Variants in GFPT2 observed in about 807,000 individuals in gnomAD.
GFPT2 encodes glutamine--fructose-6-phosphate transaminase 2, also known as glutamine--fructose-6-phosphate aminotransferase [isomerizing] 2.
Under a neutral mutation model 85.6 loss-of-function variants are expected in GFPT2, and 62 were observed. That is an observed-to-expected ratio of 0.72 (90% CI 0.59 to 0.90). The LOEUF is 0.90. Among genes scored for constraint, GFPT2 ranks in the 40% least tolerant of loss-of-function variants. The pLI is 0.00. For missense variants in GFPT2, 788 were observed against 893.4 expected (o/e 0.88, Z 1.50); for synonymous variants, 368 against 344.5 (o/e 1.07, Z -0.75).
chr5:180,343,116 GCAGA>G (rs1189870060), intron 1 of GFPT2, among the ~76,000 whole-genome samples: 2 of 152,176 alleles, frequency 1.3e-5, no homozygotes, highest in African/African-American at 2.4e-5. Context: ...CCTAAGGGAA[GCAGA>G]CAGACATCAC....
rs375295926 is a variant in GFPT2 at position 180,316,319 on chromosome 5, C to T, written c.1273+22G>A. 4 of 1,613,134 alleles carry T rather than the reference C, an allele frequency of 2.5e-6. No individual in the cohort carries two copies. In the African/African-American group the frequency reaches 4.0e-5, roughly 16 times the overall value. On this transcript the variant is annotated intron_variant, in intron 13 of 18. Coordinates refer to ENST00000253778, the MANE Select transcript of GFPT2 (RefSeq NM_005110.4). ...CAGAGCTGACCTGATGCAAGGCTGGCCACAATGCCTGTGTCCCTTACCTGA... is the reference window on the plus strand; with the variant it reads ...CAGAGCTGACCTGATGCAAGGCTGGTCACAATGCCTGTGTCCCTTACCTGA...
chr5:180,308,516 G>T (rs1309690994), intron 15 of GFPT2, among the ~76,000 whole-genome samples: 1 of 152,038 alleles, frequency 6.6e-6, no homozygotes, highest in Non-Finnish European at 1.5e-5. Context: ...ATAAAATTCA[G>T]CCTACAAATA....
intron 4 of GFPT2, among the ~76,000 whole-genome samples, chr5:180,332,946 T>C (rs1190073086): frequency 6.6e-6 from 1 of 152,206 alleles, no homozygotes; most frequent in Admixed American, 6.5e-5. Flanking sequence ...ATTATTCTTT[T>C]TCTTTATTCT....
intron 15 of GFPT2, 69 bp downstream of exon 15, chr5:180,312,361 G>T (rs908371624): frequency 3.6e-6 from 3 of 842,118 alleles, no homozygotes; most frequent in Non-Finnish European, 6.3e-6. Context: ...ACAGGTGAGA[G>T]TCAACAGAGA....
intron 3 of GFPT2, 125 bp downstream of exon 3, chr5:180,336,354 G>T: frequency 1.3e-6 from 1 of 743,296 alleles, no homozygotes. Flanking sequence ...CACGGGCTTA[G>T]CCCTCCCTCT....
At chr5:180,336,187 A>C (rs532091995) in intron 3 of GFPT2, 20 of 564,844 alleles carry the variant, frequency 3.5e-5, no homozygotes, top group Middle Eastern at 9.3e-4. Flanking sequence ...TTTAAAAAGA[A>C]AATGATATAT....
chr5:180,316,486 G>A (rs748266996), intron 12 of GFPT2, 25 bp from the exon 13 acceptor site: 3 of 1,613,836 alleles, frequency 1.9e-6, no homozygotes, highest in East Asian at 4.5e-5. Flanking sequence ...CAAGCATGGA[G>A]ACTAAAGTCA....
At chr5:180,335,114 A>T (rs1297625457) in intron 4 of GFPT2, among the ~76,000 whole-genome samples, 1 of 152,228 alleles carries the variant, frequency 6.6e-6, no homozygotes, top group Non-Finnish European at 1.5e-5. Context: ...GCCCTCTGCC[A>T]ATCTGTGGTG....
intron 1 of GFPT2, among the ~76,000 whole-genome samples, chr5:180,340,387 G>A (rs1764490622): frequency 6.6e-6 from 1 of 151,156 alleles, no homozygotes; most frequent in Non-Finnish European, 1.5e-5. Flanking sequence ...TGTATTTTTA[G>A]TAGAGATGGG....
At chr5:180,335,081 G>A (rs1258346264) in intron 4 of GFPT2, among the ~76,000 whole-genome samples, 3 of 152,234 alleles carry the variant, frequency 2.0e-5, no homozygotes, top group Non-Finnish European at 2.9e-5. Flanking sequence ...AACCCACCAA[G>A]GACAGCAGGT....
Position 180,302,458 on chromosome 5 carries a change from G to A in GFPT2, c.1969C>T (p.Leu657=), listed in dbSNP as rs752856112. 2.5e-5 allele frequency: 40 copies of A among 1,613,944 alleles called. No homozygotes were observed. Among genetic ancestry groups the A allele is most frequent in the Non-Finnish European group, 3.4e-5 (40 of 1,179,978 alleles). ...GILSVIPLQL[L]SFHLAVLRGY... is the part of the protein sequence containing the mutation. ...CGGAGAACAGCCAGGTGGAAGGACA[G>A]CAGCTGCAGCGGAATCACGCTCAGG... The change falls in exon 18 of 19, where the codon CTG becomes TTG. Residue 657 remains leucine, a synonymous_variant. Transcript: ENST00000253778.
chr5:180,340,607 G>T (rs1462942758), intron 1 of GFPT2, among the ~76,000 whole-genome samples: 1 of 150,428 alleles, frequency 6.6e-6, no homozygotes, highest in East Asian at 2.0e-4. Flanking sequence ...CGCCTCCCAG[G>T]TTCACACTAT....
intron 1 of GFPT2, among the ~76,000 whole-genome samples, chr5:180,347,787 A>G (rs1764638074): frequency 6.6e-6 from 1 of 151,614 alleles, no homozygotes; most frequent in African/African-American, 2.4e-5. Flanking sequence ...AATTCCTGGG[A>G]TTTCCTCTAC....
chr5:180,304,882 G>T lies in GFPT2; in HGVS notation c.1732C>A (p.His578Asn). Residue 578 changes from histidine to asparagine, a missense_variant, in exon 17 of 19, where the codon CAC becomes AAC. Transcript: ENST00000253778. ...SEGILAGELK[H>N]GPLALIDKQM... ...TTGTCAATCAGTGCCAGGGGCCCGTGCTTCAGCTCCCCAGCCAGGATGCCT... is the reference window on the plus strand; with the variant it reads ...TTGTCAATCAGTGCCAGGGGCCCGTTCTTCAGCTCCCCAGCCAGGATGCCT... 1 of 1,612,964 alleles carries T rather than the reference G, an allele frequency of 6.2e-7. No individual in the cohort carries two copies. Among genetic ancestry groups the T allele is most frequent in the African/African-American group, 1.3e-5 (1 of 75,042 alleles).
At position 180,312,487 on chromosome 5, in the gene GFPT2, G is replaced by A. The variant is rs1581370788; in HGVS notation, c.1489C>T (p.Arg497Ter). ...VMFGLMMSED[R>*]ISLQNRRQEI... ...TGCCTCCTGTTTTGTAGTGAAATTC[G>A]GTCTTCAGACATCATCAAACCAAAC... The change falls in exon 15 of 19, where the codon CGA becomes TGA. Residue 497 changes from arginine (R) to a stop codon, truncating the protein, a stop_gained. Coordinates refer to ENST00000253778, the MANE Select transcript of GFPT2 (RefSeq NM_005110.4). LOFTEE classifies it high-confidence loss of function. 1.2e-6 allele frequency: 2 copies of A among 1,611,832 alleles called. No individual in the cohort carries two copies. Among genetic ancestry groups the A allele is most frequent in the Non-Finnish European group, 1.7e-6 (2 of 1,177,934 alleles).
intron 9 of GFPT2, among the ~76,000 whole-genome samples, chr5:180,322,521 T>G (rs1429970795): frequency 6.6e-6 from 1 of 152,160 alleles, no homozygotes; most frequent in Non-Finnish European, 1.5e-5. Flanking sequence ...TCGTGCCTGG[T>G]CACGTGAGGT....
At position 180,320,806 on chromosome 5, in the gene GFPT2, C is replaced by T. The variant is rs1032748625; in HGVS notation, c.795-1850G>A. On this transcript the variant is annotated intron_variant, in intron 9 of 18. Transcript: ENST00000253778. Reference sequence around the variant, plus strand: ...CATTCTATCAAGAGCCACACCCACACGTGACTGCCTGAAAATGAACACTTA... The same window carrying T: ...CATTCTATCAAGAGCCACACCCACATGTGACTGCCTGAAAATGAACACTTA... Among the ~76,000 whole-genome samples the T allele has an allele frequency of 3.9e-5, 6 of 152,138 alleles. No individual in the cohort carries two copies. In the South Asian group the frequency reaches 8.3e-4, roughly 21 times the overall value.
rs376990165 is a variant in GFPT2 at position 180,353,181 on chromosome 5, G to A, written c.7+30C>T. On this transcript the variant is annotated intron_variant, in intron 1 of 18. Transcript: ENST00000253778. ...CGCCGGGACCCGCGGACGGCGTGGAGGAGGCGGCTCGGGCGGGCGCGGCAC... is the reference window on the plus strand; with the variant it reads ...CGCCGGGACCCGCGGACGGCGTGGAAGAGGCGGCTCGGGCGGGCGCGGCAC... 9.1e-4 allele frequency: 1,123 copies of A among 1,233,330 alleles called. 8 individuals are homozygous for A. In the African/African-American group the frequency reaches 0.016, roughly 18 times the overall value. 76.4% of individuals were successfully genotyped at this position (1,233,330 alleles called of 1,614,324 possible).
intron 18 of GFPT2, 89 bp downstream of exon 18, chr5:180,302,334 G>A: frequency 1.2e-6 from 1 of 859,650 alleles, no homozygotes; most frequent in Non-Finnish European, 1.8e-6. Context: ...TTTACTCTAT[G>A]ACTATTTACT....
Sources: gnomAD v4.1 joint callset for allele counts (sites outside exome capture counted in the v4.1 genomes callset) on GRCh38, gnomAD v4.1.1 for gene constraint, MANE v1.5 for transcripts, NCBI Gene and HGNC (gene_info 2026-07-23, HGNC 2026-07-21) for gene names.